Variants in EIF4G3 observed in about 807,000 individuals in gnomAD.
EIF4G3 encodes the protein eIF-4-gamma 3.
A neutral mutation model predicts 186.4 loss-of-function variants in EIF4G3; 34 were observed. The ratio of observed to expected loss-of-function variants is 0.18; its 90% CI spans 0.14 to 0.24. The LOEUF (loss-of-function observed/expected upper bound fraction) is 0.24. Ranked by LOEUF, EIF4G3 falls within the 10% of genes least tolerant of loss-of-function variation. The pLI is 1.00. For missense variants in EIF4G3, 1,536 were observed against 1,948.5 expected, an observed-to-expected ratio of 0.79 and a Z score of 3.99; for synonymous variants, 673 against 679.5, an observed-to-expected ratio of 0.99 and a Z score of 0.15.
chr1:20,833,717 T>C (rs2065945698), intron 30 of EIF4G3, among the ~76,000 whole-genome samples: 1 of 152,198 alleles, frequency 6.6e-6, no homozygotes, highest in African/African-American at 2.4e-5. Flanking sequence ...ATTATATCAA[T>C]AGATGCAGAA....
At chr1:20,944,218 T>TA (rs1370763287) in intron 13 of EIF4G3, among the ~76,000 whole-genome samples, 2 of 151,962 alleles carry the variant, frequency 1.3e-5, no homozygotes, top group Non-Finnish European at 2.9e-5. Flanking sequence ...CTAGATGCAG[T>TA]AAATTTAAAA....
At chr1:20,950,665 CCATAAAATGTCTACAG>C (rs1364880395) in intron 12 of EIF4G3, among the ~76,000 whole-genome samples, 1 of 152,124 alleles carries the variant, frequency 6.6e-6, no homozygotes, top group Non-Finnish European at 1.5e-5. Context: ...AGCAATTTTA[CCATAAAATGTCTACAG>C]GTTCTGGGTC....
intron 2 of EIF4G3, among the ~76,000 whole-genome samples, chr1:21,131,182 G>A (rs1322895469): frequency 3.3e-5 from 5 of 149,680 alleles, no homozygotes; most frequent in African/African-American, 1.2e-4. Context: ...GGAGATTGCA[G>A]TGAGTCAAGA....
chr1:20,823,840 TCTTTA>T (rs561311103), intron 33 of EIF4G3, among the ~76,000 whole-genome samples: 3 of 152,236 alleles, frequency 2.0e-5, no homozygotes, highest in Non-Finnish European at 4.4e-5. Context: ...TTTACTTTTA[TCTTTA>T]CTTCTTTAAT....
intron 20 of EIF4G3, among the ~76,000 whole-genome samples, chr1:20,878,843 G>A (rs556732159): frequency 1.4e-4 from 21 of 152,084 alleles, no homozygotes; most frequent in Admixed American, 2.6e-4. Context: ...TAATGTAAAC[G>A]GAGAGAAACC....
intron 14 of EIF4G3, among the ~76,000 whole-genome samples, chr1:20,908,231 T>A (rs2092599895): frequency 6.6e-6 from 1 of 152,214 alleles, no homozygotes; most frequent in South Asian, 2.1e-4. Flanking sequence ...GCCCACTTTT[T>A]GATGGGGTTG....
rs372310819 is a variant in EIF4G3 at position 21,142,881 on chromosome 1, C to T, written c.-272+33294G>A. ...AATTAAGCAGCATCCATAAGTAATTCTAGTCATTTCCAAAAAATGGAAATA... is the reference window on the plus strand; with the variant it reads ...AATTAAGCAGCATCCATAAGTAATTTTAGTCATTTCCAAAAAATGGAAATA... On this transcript the variant is annotated intron_variant, in intron 2 of 36. Coordinates refer to ENST00000602326, the MANE Select transcript of EIF4G3 (RefSeq NM_001391906.1). 1.6e-4 allele frequency among the ~76,000 whole-genome samples: 24 copies of T among 152,210 alleles called. No individual in the cohort carries two copies. The East Asian group carries it at 2.7e-3, about 17-fold the overall frequency.
At chr1:20,816,895 C>T in intron 34 of EIF4G3, among the ~76,000 whole-genome samples, 1 of 129,076 alleles carries the variant, frequency 7.7e-6, no homozygotes, top group Non-Finnish European at 1.7e-5. Context: ...TTGTTCTGTA[C>T]TAAGAAAAAT....
chr1:20,954,534 C>CAAAAAA (rs35942587), intron 12 of EIF4G3, among the ~76,000 whole-genome samples: 5 of 49,320 alleles, frequency 1.0e-4, no homozygotes, highest in East Asian at 6.0e-4. Flanking sequence ...GACCCCGTCT[C>CAAAAAA]AAAAAAAAAA....
chr1:21,106,286 G>A (rs1262717046), intron 2 of EIF4G3, among the ~76,000 whole-genome samples: 2 of 151,970 alleles, frequency 1.3e-5, no homozygotes, highest in African/African-American at 4.8e-5. Context: ...AACCTGAGAA[G>A]GGTAAGAGAG....
intron 2 of EIF4G3, among the ~76,000 whole-genome samples, chr1:21,090,289 A>G (rs1175356749): frequency 6.6e-6 from 1 of 152,250 alleles, no homozygotes; most frequent in East Asian, 1.9e-4. Flanking sequence ...AATTTCAGAA[A>G]TAAATATAAT....
At chr1:21,017,775 A>T (rs2089613212) in intron 4 of EIF4G3, among the ~76,000 whole-genome samples, 1 of 152,072 alleles carries the variant, frequency 6.6e-6, no homozygotes, top group Non-Finnish European at 1.5e-5. Context: ...GGAATGCTGA[A>T]CCTGTAAATA....
At chr1:21,056,698 T>A (rs2094575274) in intron 3 of EIF4G3, among the ~76,000 whole-genome samples, 1 of 152,198 alleles carries the variant, frequency 6.6e-6, no homozygotes, top group Admixed American at 6.5e-5. Flanking sequence ...ACTGTTGAAA[T>A]CCATCTTCTT....
intron 10 of EIF4G3, among the ~76,000 whole-genome samples, chr1:20,973,344 T>C (rs2076257477): frequency 6.6e-6 from 1 of 151,758 alleles, no homozygotes; most frequent in Non-Finnish European, 1.5e-5. Context: ...AAATACTCGG[T>C]TCCTACAGAT....
intron 2 of EIF4G3, among the ~76,000 whole-genome samples, chr1:21,166,793 T>G (rs1247943004): frequency 3.3e-5 from 5 of 150,568 alleles, no homozygotes; most frequent in African/African-American, 9.8e-5. Context: ...TTTTGGGGGG[T>G]TTTTTTGAGA....
Position 21,066,458 on chromosome 1 carries a change from T to C in EIF4G3, c.-195-15464A>G, listed in dbSNP as rs116427379. Among the ~76,000 whole-genome samples, 134 of 152,188 alleles carry C rather than the reference T, an allele frequency of 8.8e-4. 1 individual carries two copies. Among genetic ancestry groups the C allele is most frequent in the African/African-American group, 2.1e-3 (89 of 41,506 alleles). On this transcript the variant is annotated intron_variant, in intron 3 of 36. Transcript: ENST00000602326. ...ATAAGAAATTAACAGAGTCAAAAGT[T>C]CTTTGGGATCTGTAACAGCTAAAGA...
intron 3 of EIF4G3, among the ~76,000 whole-genome samples, chr1:21,052,549 CCT>C (rs1308514908): frequency 6.6e-6 from 1 of 151,688 alleles, no homozygotes; most frequent in African/African-American, 2.4e-5. Context: ...CCCTCCTCTC[CCT>C]CTCCCTCCTC....
Position 21,089,192 on chromosome 1 carries a change from T to C in EIF4G3, c.-250A>G. ...TGAAGATTCGATCCTCAAGAGGTTG[T>C]TGCACAGGTCCTCTAGGAATTCTAG... On this transcript the variant is annotated 5_prime_UTR_variant, in exon 3 of 37. Transcript: ENST00000602326. 1 of 717,442 alleles carries C rather than the reference T, an allele frequency of 1.4e-6. No homozygotes were observed. Among genetic ancestry groups the C allele is most frequent in the Non-Finnish European group, 2.6e-6 (1 of 385,078 alleles). The allele number at this position is 717,442 out of a possible 1,614,324, so 44.4% of individuals were successfully genotyped here.
At chr1:20,886,769 G>A (rs1308561412) in intron 18 of EIF4G3, among the ~76,000 whole-genome samples, 1 of 151,754 alleles carries the variant, frequency 6.6e-6, no homozygotes, top group Non-Finnish European at 1.5e-5. Flanking sequence ...ACAATCCCAG[G>A]GTAAAATGCA....
Sources: allele counts gnomAD v4.1 joint callset (sites outside exome capture counted in the v4.1 genomes callset), GRCh38; gene constraint gnomAD v4.1.1; transcripts MANE v1.5; gene names NCBI Gene and HGNC (gene_info 2026-07-23, HGNC 2026-07-21).